The following C1QTNF3 variants were observed in gnomAD, a reference collection of about 807,000 sequenced individuals.
The protein encoded by C1QTNF3 is C1q and TNF related 3.
A neutral mutation model predicts 32.6 loss-of-function variants in C1QTNF3; 26 were observed. That is an observed-to-expected ratio of 0.80 (90% CI 0.58 to 1.11). The LOEUF is 1.11. Among genes scored for constraint, C1QTNF3 ranks in the 50% least tolerant of loss-of-function variants. The pLI, the probability that C1QTNF3 is intolerant of heterozygous loss-of-function variation, is 0.00. For missense variants in C1QTNF3, 362 were observed against 398.2 expected, an observed-to-expected ratio of 0.91 and a Z score of 0.77; for synonymous variants, 155 against 146.0, an observed-to-expected ratio of 1.06 and a Z score of -0.44.
chr5:34,039,392 T>C (rs1479535886), intron 1 of C1QTNF3, among the ~76,000 whole-genome samples: 2 of 152,218 alleles, frequency 1.3e-5, no homozygotes, highest in Non-Finnish European at 1.5e-5. Flanking sequence ...TAAACTTTCA[T>C]TCCTGCTCTA....
chr5:34,069,998 T>C, the C1QTNF3 span, among the ~76,000 whole-genome samples: 2 of 152,232 alleles, frequency 1.3e-5, no homozygotes, highest in Admixed American at 6.5e-5. Flanking sequence ...ATCAGAAATA[T>C]AGTAGGTTTG....
At chr5:34,227,367 GCT>G in the C1QTNF3 span, among the ~76,000 whole-genome samples, 2 of 151,828 alleles carry the variant, frequency 1.3e-5, no homozygotes, top group African/African-American at 4.8e-5. Flanking sequence ...CTGCATGTAT[GCT>G]CTGTGTGTGC....
chr5:34,113,618 T>C, the C1QTNF3 span, among the ~76,000 whole-genome samples: 19 of 152,114 alleles, frequency 1.2e-4, no homozygotes, highest in African/African-American at 4.6e-4. Context: ...CTAAAAAATA[T>C]ATTTAATTTT....
chr5:34,220,834 G>T, the C1QTNF3 span, among the ~76,000 whole-genome samples: 1 of 152,018 alleles, frequency 6.6e-6, no homozygotes, highest in African/African-American at 2.4e-5. Flanking sequence ...TATAAAGCAT[G>T]TGAGCCCTGG....
the C1QTNF3 span, among the ~76,000 whole-genome samples, chr5:34,114,595 T>A: frequency 6.6e-6 from 1 of 152,274 alleles, no homozygotes; most frequent in South Asian, 2.1e-4. Context: ...TCACATTCTA[T>A]CTTATTTTGA....
the C1QTNF3 span, among the ~76,000 whole-genome samples, chr5:34,072,424 C>A: frequency 3.1e-5 from 4 of 127,624 alleles, no homozygotes; most frequent in African/African-American, 8.7e-5. Flanking sequence ...AAAGAAAGAA[C>A]AGAAATGTAC....
At chr5:34,047,921 C>G (rs1579616161), upstream of C1QTNF3, among the ~76,000 whole-genome samples, 1 of 152,084 alleles carries the variant, frequency 6.6e-6, no homozygotes, top group Non-Finnish European at 1.5e-5. Context: ...ACCTTGCCAC[C>G]AGTACAGGGC....
the C1QTNF3 span, among the ~76,000 whole-genome samples, chr5:34,108,498 T>C: frequency 2.0e-5 from 3 of 152,098 alleles, no homozygotes; most frequent in Non-Finnish European, 4.4e-5. Context: ...AAGGAGACAC[T>C]TATATTTTGC....
At chr5:34,120,348 T>C in the C1QTNF3 span, among the ~76,000 whole-genome samples, 1 of 152,170 alleles carries the variant, frequency 6.6e-6, no homozygotes, top group Non-Finnish European at 1.5e-5. Flanking sequence ...TATAGTCTTG[T>C]GAAATTTTCA....
chr5:34,156,122 G>C, the C1QTNF3 span, among the ~76,000 whole-genome samples: 1 of 152,180 alleles, frequency 6.6e-6, no homozygotes, highest in Non-Finnish European at 1.5e-5. Flanking sequence ...CCAGGCTGGA[G>C]TGCAGTGGCA....
chr5:34,033,555 C>A, intron 2 of C1QTNF3, 97 bp from the exon 3 acceptor site: 1 of 1,468,938 alleles, frequency 6.8e-7, no homozygotes, highest in South Asian at 1.2e-5. Context: ...TGAAAGGGGA[C>A]CATTCAGAAT....
chr5:34,221,773 T>C, the C1QTNF3 span, among the ~76,000 whole-genome samples: 2,114 of 152,198 alleles, frequency 0.014, 59 homozygotes, highest in African/African-American at 0.049. Context: ...TTCAGTTTTG[T>C]AGAAAATGAC....
At chr5:34,089,423 T>C in the C1QTNF3 span, among the ~76,000 whole-genome samples, 4 of 152,064 alleles carry the variant, frequency 2.6e-5, no homozygotes, top group African/African-American at 9.7e-5. Context: ...GGGGCATAAA[T>C]GGTATGAATG....
chr5:34,115,075 TATTTTCAAAATTATAAATAATA>T, the C1QTNF3 span, among the ~76,000 whole-genome samples: 3 of 152,310 alleles, frequency 2.0e-5, no homozygotes, highest in African/African-American at 7.2e-5. Flanking sequence ...GTGTCATTAA[TATTTTCAAAATTATAAATAATA>T]ATTTGAAATT....
chr5:34,134,784 C>T, the C1QTNF3 span, among the ~76,000 whole-genome samples: 8 of 152,272 alleles, frequency 5.3e-5, no homozygotes, highest in Admixed American at 5.2e-4. Flanking sequence ...TATCCTGAGA[C>T]TTTGCTGAAG....
the C1QTNF3 span, among the ~76,000 whole-genome samples, chr5:34,076,395 A>C: frequency 6.6e-6 from 1 of 151,724 alleles, no homozygotes; most frequent in African/African-American, 2.4e-5. Flanking sequence ...AAAGTCCTTT[A>C]AACCTTTCTT....
chr5:34,117,117 G>T, the C1QTNF3 span, among the ~76,000 whole-genome samples: 1 of 151,750 alleles, frequency 6.6e-6, no homozygotes, highest in African/African-American at 2.4e-5. Flanking sequence ...ACTGATATGT[G>T]GGAGTGATAT....
chr5:34,032,987 T>G (rs1187066720), intron 3 of C1QTNF3: 1 of 270,732 alleles, frequency 3.7e-6, no homozygotes, highest in East Asian at 9.4e-5. Context: ...TTATTACATC[T>G]TATTACATTC....
chr5:34,181,178 A>G, the C1QTNF3 span, among the ~76,000 whole-genome samples: 2 of 152,402 alleles, frequency 1.3e-5, no homozygotes, highest in East Asian at 3.9e-4. Flanking sequence ...TGGCTGGCAC[A>G]GGACAGAACA....
Sources: allele counts gnomAD v4.1 joint callset (sites outside exome capture counted in the v4.1 genomes callset), GRCh38; gene constraint gnomAD v4.1.1; transcripts MANE v1.5; gene names NCBI Gene and HGNC (gene_info 2026-07-23, HGNC 2026-07-21).